XRCC4: variants seen among roughly 807,000 people sequenced by gnomAD.
The protein encoded by XRCC4 is DNA repair protein XRCC4.
Under a neutral mutation model 39.1 loss-of-function variants are expected in XRCC4, and 28 were observed. That is an observed-to-expected ratio of 0.72 (90% confidence interval 0.53 to 0.98). XRCC4 has a LOEUF of 0.98. Ranked by LOEUF, XRCC4 falls within the 50% of genes least tolerant of loss-of-function variation. The pLI is 0.00. For missense variants in XRCC4, 350 were observed against 376.4 expected, an observed-to-expected ratio of 0.93 and a Z score of 0.58; for synonymous variants, 123 against 126.4, an observed-to-expected ratio of 0.97 and a Z score of 0.18.
At chr5:83,154,721 A>G (rs1397081742) in intron 3 of XRCC4, among the ~76,000 whole-genome samples, 2 of 152,150 alleles carry the variant, frequency 1.3e-5, no homozygotes. Context: ...CAAAATTCCA[A>G]GAGAAGGATT....
At chr5:83,313,254 GC>G (rs1755767621) in intron 7 of XRCC4, among the ~76,000 whole-genome samples, 2 of 151,942 alleles carry the variant, frequency 1.3e-5, no homozygotes, top group African/African-American at 4.8e-5. Flanking sequence ...CCTTTAGAAA[GC>G]ACTTTTCTGA....
intron 7 of XRCC4, among the ~76,000 whole-genome samples, chr5:83,309,297 AT>A (rs1370724626): frequency 0.072 from 3,844 of 53,308 alleles, 334 homozygotes; most frequent in Non-Finnish European, 0.087. Flanking sequence ...AAAAAAAAAA[AT>A]ATATATATAT....
At chr5:83,225,565 T>A (rs1752254329) in intron 6 of XRCC4, among the ~76,000 whole-genome samples, 2 of 139,084 alleles carry the variant, frequency 1.4e-5, no homozygotes, top group South Asian at 4.5e-4. Flanking sequence ...GTAGGAGCTA[T>A]GGAGGTTGTG....
chr5:83,324,123 G>C (rs1756169036), intron 7 of XRCC4, among the ~76,000 whole-genome samples: 1 of 152,044 alleles, frequency 6.6e-6, no homozygotes, highest in African/African-American at 2.4e-5. Context: ...GGAAATACTT[G>C]TGTATAAATA....
chr5:83,088,513 C>T (rs1400279424), intron 1 of XRCC4, among the ~76,000 whole-genome samples: 1 of 148,292 alleles, frequency 6.7e-6, no homozygotes, highest in East Asian at 1.9e-4. Context: ...ATTTTTAAAA[C>T]ATATTAAGTG....
At chr5:83,108,781 GA>G (rs1347535425) in intron 2 of XRCC4, among the ~76,000 whole-genome samples, 1 of 151,084 alleles carries the variant, frequency 6.6e-6, no homozygotes, top group African/African-American at 2.4e-5. Context: ...GTTAAAGTTA[GA>G]TAGTTACTTT....
intron 3 of XRCC4, among the ~76,000 whole-genome samples, chr5:83,130,554 C>T (rs1747519955): frequency 6.6e-6 from 1 of 152,100 alleles, no homozygotes; most frequent in Non-Finnish European, 1.5e-5. Context: ...GTACCAGCTC[C>T]TCTTTGTACC....
At chr5:83,086,767 A>G (rs1745200897) in intron 1 of XRCC4, among the ~76,000 whole-genome samples, 1 of 151,798 alleles carries the variant, frequency 6.6e-6, no homozygotes, top group African/African-American at 2.4e-5. Context: ...TTAATTTCTC[A>G]GTTTTTATCT....
chr5:83,223,366 T>C (rs1752160145), intron 6 of XRCC4, among the ~76,000 whole-genome samples: 1 of 152,128 alleles, frequency 6.6e-6, no homozygotes, highest in Non-Finnish European at 1.5e-5. Flanking sequence ...AGTCTATTAA[T>C]ATTTGCTCTA....
the XRCC4 span, among the ~76,000 whole-genome samples, chr5:83,368,622 G>A: frequency 6.6e-5 from 10 of 152,174 alleles, no homozygotes; most frequent in Non-Finnish European, 1.5e-4. Context: ...GCACTATTGG[G>A]AAGTTGGCTG....
intron 3 of XRCC4, among the ~76,000 whole-genome samples, chr5:83,120,806 T>C (rs909218749): frequency 6.6e-6 from 1 of 152,230 alleles, no homozygotes; most frequent in Admixed American, 6.5e-5. Context: ...AATTAATTTA[T>C]AAAATGTGCA....
the XRCC4 span, among the ~76,000 whole-genome samples, chr5:83,364,380 A>G: frequency 6.6e-6 from 1 of 152,174 alleles, no homozygotes; most frequent in African/African-American, 2.4e-5. Flanking sequence ...ATGAATGAGG[A>G]GATACTTTTT....
intron 3 of XRCC4, among the ~76,000 whole-genome samples, chr5:83,161,416 G>A (rs984916094): frequency 4.6e-5 from 7 of 152,138 alleles, no homozygotes; most frequent in Admixed American, 2.0e-4. Flanking sequence ...ACAGGTGTGA[G>A]CCACCACGAC....
chr5:83,113,808 A>T (rs1392280586), intron 3 of XRCC4, among the ~76,000 whole-genome samples: 1 of 151,938 alleles, frequency 6.6e-6, no homozygotes, highest in Non-Finnish European at 1.5e-5. Context: ...TTGTATTTTT[A>T]GTAGAGACGG....
At chr5:83,106,226 A>G (rs528532226) in intron 2 of XRCC4, among the ~76,000 whole-genome samples, 12 of 152,240 alleles carry the variant, frequency 7.9e-5, no homozygotes, top group African/African-American at 2.4e-4. Flanking sequence ...CCAGAAGACA[A>G]TATTTCTTGT....
At chr5:83,200,300 G>A (rs765367169) in intron 4 of XRCC4, among the ~76,000 whole-genome samples, 2 of 151,954 alleles carry the variant, frequency 1.3e-5, no homozygotes, top group Non-Finnish European at 2.9e-5. Flanking sequence ...GTCAGCTCCC[G>A]CTCCCCCACT....
intron 6 of XRCC4, among the ~76,000 whole-genome samples, chr5:83,231,971 GT>G: frequency 6.6e-6 from 1 of 151,990 alleles, no homozygotes; most frequent in Non-Finnish European, 1.5e-5. Context: ...GTAATACGGT[GT>G]TTTTAATGAC....
At chr5:83,144,347 A>C (rs1454517269) in intron 3 of XRCC4, among the ~76,000 whole-genome samples, 1 of 148,392 alleles carries the variant, frequency 6.7e-6, no homozygotes, top group African/African-American at 2.5e-5. Context: ...TACTGAACTA[A>C]TTTGATCAAG....
downstream of XRCC4, among the ~76,000 whole-genome samples, chr5:83,355,804 T>C (rs1425605010): frequency 6.6e-6 from 1 of 152,036 alleles, no homozygotes; most frequent in Non-Finnish European, 1.5e-5. Flanking sequence ...ACCCGGCTAA[T>C]TTTTTGTATT....
Sources: allele counts gnomAD v4.1 joint callset (sites outside exome capture counted in the v4.1 genomes callset), GRCh38; gene constraint gnomAD v4.1.1; transcripts MANE v1.5; gene names NCBI Gene and HGNC (gene_info 2026-07-23, HGNC 2026-07-21).